Variants in SPHKAP observed in about 807,000 individuals in gnomAD.
The protein encoded by SPHKAP is SPHK1 interactor, AKAP domain containing.
SPHKAP carries 67 observed loss-of-function variants against 137.5 expected under a neutral mutation model. The observed-to-expected ratio is 0.49, with a 90% CI of 0.40 to 0.60. The LOEUF (loss-of-function observed/expected upper bound fraction) is 0.60. Among genes scored for constraint, SPHKAP ranks in the 20% least tolerant of loss-of-function variants. SPHKAP has a pLI of 0.00. For synonymous variants in SPHKAP, 813 were observed against 785.3 expected (o/e 1.04, Z -0.59); for missense variants, 2,097 against 2,069.3 (o/e 1.01, Z -0.26).
At chr2:227,994,302 T>C (rs1693540891) in intron 8 of SPHKAP, among the ~76,000 whole-genome samples, 1 of 152,212 alleles carries the variant, frequency 6.6e-6, no homozygotes, top group Admixed American at 6.5e-5. Flanking sequence ...GTTCATAGGC[T>C]GCACAGTCAA....
At chr2:228,125,472 T>C (rs1699046440) in intron 2 of SPHKAP, among the ~76,000 whole-genome samples, 1 of 152,208 alleles carries the variant, frequency 6.6e-6, no homozygotes, top group Non-Finnish European at 1.5e-5. Flanking sequence ...CAAACCTTTT[T>C]GTATGTAAGT....
chr2:228,136,635 G>C (rs1699446366), intron 1 of SPHKAP, among the ~76,000 whole-genome samples: 1 of 152,150 alleles, frequency 6.6e-6, no homozygotes, highest in African/African-American at 2.4e-5. Flanking sequence ...GGTGTCACTT[G>C]GGAGCTTGTT....
chr2:228,154,844 C>A (rs1410224567), intron 1 of SPHKAP, among the ~76,000 whole-genome samples: 1 of 150,968 alleles, frequency 6.6e-6, no homozygotes, highest in Non-Finnish European at 1.5e-5. Flanking sequence ...CAGTCTTGAG[C>A]TACCTTGCCC....
At position 228,113,518 on chromosome 2, in the gene SPHKAP, G is replaced by C. The variant is rs542015167; in HGVS notation, c.139-4579C>G. ...ATTTCAGTCAGGCTCCCAGACATTAGAGCCTCCACTAAGGCAGTGTTCCAT... is the reference window on the plus strand; with the variant it reads ...ATTTCAGTCAGGCTCCCAGACATTACAGCCTCCACTAAGGCAGTGTTCCAT... On this transcript the variant is annotated intron_variant, in intron 2 of 11. Coordinates refer to ENST00000392056, the MANE Select transcript of SPHKAP (RefSeq NM_001142644.2). Among the ~76,000 whole-genome samples the C allele has an allele frequency of 4.0e-5, 6 of 151,880 alleles. No homozygotes were observed. In the South Asian group the frequency reaches 1.2e-3, roughly 32 times the overall value.
chr2:228,084,064 G>A (rs973995451), intron 3 of SPHKAP, among the ~76,000 whole-genome samples: 3 of 150,622 alleles, frequency 2.0e-5, no homozygotes, highest in African/African-American at 7.3e-5. Context: ...AAACCTGCAC[G>A]TTCTACACAT....
At chr2:228,074,970 G>A (rs1294193658) in intron 3 of SPHKAP, among the ~76,000 whole-genome samples, 1 of 152,080 alleles carries the variant, frequency 6.6e-6, no homozygotes, top group African/African-American at 2.4e-5. Context: ...GGAAGAAGAG[G>A]AGGAGGAGGA....
intron 7 of SPHKAP, among the ~76,000 whole-genome samples, chr2:228,009,731 CTTGCTTTTAAG>C (rs1180887556): frequency 6.6e-6 from 1 of 152,118 alleles, no homozygotes; most frequent in African/African-American, 2.4e-5. Flanking sequence ...ATTTTTGATG[CTTGCTTTTAAG>C]TTGTGTTAGA....
intron 1 of SPHKAP, among the ~76,000 whole-genome samples, chr2:228,161,688 C>T (rs1700280025): frequency 7.2e-6 from 1 of 138,268 alleles, no homozygotes; most frequent in Non-Finnish European, 1.5e-5. Flanking sequence ...GCACGTGCAC[C>T]TTGGAACTAA....
At chr2:228,032,864 G>T (rs1256734252) in intron 3 of SPHKAP, among the ~76,000 whole-genome samples, 1 of 152,086 alleles carries the variant, frequency 6.6e-6, no homozygotes, top group Non-Finnish European at 1.5e-5. Flanking sequence ...CCCTACAAGA[G>T]CTCCTGAAGG....
intron 2 of SPHKAP, among the ~76,000 whole-genome samples, chr2:228,125,042 T>C (rs1284307529): frequency 6.6e-6 from 1 of 152,214 alleles, no homozygotes; most frequent in Non-Finnish European, 1.5e-5. Flanking sequence ...AGACTCTGCC[T>C]CTGGGAACCT....
chr2:227,985,041 C>G (rs1481229473), intron 11 of SPHKAP, among the ~76,000 whole-genome samples: 1 of 152,186 alleles, frequency 6.6e-6, no homozygotes, highest in Non-Finnish European at 1.5e-5. Context: ...CCAGAATTCT[C>G]TCTGCCTCAT....
rs563152035 is a variant in SPHKAP at position 228,090,545 on chromosome 2, T to G, written c.246+18287A>C. On this transcript the variant is annotated intron_variant, in intron 3 of 11. Coordinates refer to ENST00000392056, the MANE Select transcript of SPHKAP (RefSeq NM_001142644.2). Reference sequence around the variant, plus strand: ...TCAATGTGAGAAGGATATGAGATTTTGGGGGCTAGGGGCAGAATGATATAG... The same window carrying G: ...TCAATGTGAGAAGGATATGAGATTTGGGGGGCTAGGGGCAGAATGATATAG... Among the ~76,000 whole-genome samples the G allele has an allele frequency of 3.9e-5, 6 of 152,190 alleles. No homozygotes were observed. In the South Asian group the frequency reaches 1.2e-3, roughly 32 times the overall value.
chr2:228,128,104 A>T (rs183761113), intron 2 of SPHKAP, among the ~76,000 whole-genome samples: 2 of 152,304 alleles, frequency 1.3e-5, no homozygotes, highest in East Asian at 3.9e-4. Flanking sequence ...ACAACAATGA[A>T]CGTCGCCACA....
intron 2 of SPHKAP, among the ~76,000 whole-genome samples, chr2:228,130,733 A>C (rs1699223652): frequency 6.6e-6 from 1 of 152,208 alleles, no homozygotes; most frequent in South Asian, 2.1e-4. Flanking sequence ...TTTTATAAAT[A>C]GTTTTATAAA....
Position 228,016,706 on chromosome 2 carries a change from G to T in SPHKAP, c.4148C>A (p.Pro1383Gln), listed in dbSNP as rs1473902534. 6.2e-7 allele frequency: 1 copy of T among 1,614,086 alleles called. No homozygotes were observed. Among genetic ancestry groups the T allele is most frequent in the Admixed American group, 1.7e-5 (1 of 60,014 alleles). The change falls in exon 7 of 12, where the codon CCA (proline) becomes CAA (glutamine). Residue 1383 changes from proline to glutamine, a missense_variant. Coordinates refer to ENST00000392056, the MANE Select transcript of SPHKAP (RefSeq NM_001142644.2). ...KDSVTECKQP[P>Q]VSSLSKTASL... ...AGCAGTTTTGCTCAAAGATGACACT[G>T]GGGGCTGTTTACATTCGGTAACAGA... is the stretch of plus-strand genomic sequence containing the variant.
Position 228,082,317 on chromosome 2 carries a change from G to A in SPHKAP, c.246+26515C>T, listed in dbSNP as rs545235300. On this transcript the variant is annotated intron_variant, in intron 3 of 11. Transcript: ENST00000392056. ...TTCATCGCTTTATAATCCTGGACAAGCATTTAACCTTTCAACAACCATGCA... is the reference window on the plus strand; with the variant it reads ...TTCATCGCTTTATAATCCTGGACAAACATTTAACCTTTCAACAACCATGCA... Among the ~76,000 whole-genome samples the A allele has an allele frequency of 3.3e-5, 5 of 152,312 alleles. No homozygotes were observed. The South Asian group carries it at 1.0e-3, about 32-fold the overall frequency.
At chr2:228,046,093 C>T (rs1696038351) in intron 3 of SPHKAP, among the ~76,000 whole-genome samples, 1 of 152,032 alleles carries the variant, frequency 6.6e-6, no homozygotes, top group African/African-American at 2.4e-5. Flanking sequence ...CACACACACA[C>T]ATACGGTAAT....
chr2:228,145,770 A>G (rs780357561), intron 1 of SPHKAP, among the ~76,000 whole-genome samples: 2 of 152,204 alleles, frequency 1.3e-5, no homozygotes, highest in African/African-American at 4.8e-5. Context: ...GTTGGCCTGC[A>G]CAGTATTAAA....
chr2:228,134,189 G>A (rs748003655), intron 1 of SPHKAP, among the ~76,000 whole-genome samples: 3 of 145,244 alleles, frequency 2.1e-5, no homozygotes, highest in Non-Finnish European at 4.5e-5. Context: ...GAAGACAGAA[G>A]GAAGGAGGGA....
Sources: allele counts gnomAD v4.1 joint callset (sites outside exome capture counted in the v4.1 genomes callset), GRCh38; gene constraint gnomAD v4.1.1; transcripts MANE v1.5; gene names NCBI Gene and HGNC (gene_info 2026-07-23, HGNC 2026-07-21).